The following ASAP1 variants were observed in gnomAD, a reference collection of about 807,000 sequenced individuals.
The protein encoded by ASAP1 is arf-GAP with SH3 domain, ANK repeat and PH domain-containing protein 1.
In ASAP1, 43 loss-of-function variants were observed where a neutral mutation model predicts 145.2. The ratio of observed to expected loss-of-function variants is 0.30; its 90% CI spans 0.23 to 0.38. The LOEUF is 0.38. Among genes scored for constraint, ASAP1 ranks in the 10% least tolerant of loss-of-function variants. ASAP1 has a pLI of 1.00. For synonymous variants in ASAP1, 546 were observed against 515.5 expected (o/e 1.06, Z -0.80); for missense variants, 1,018 against 1,355.3 (o/e 0.75, Z 3.91).
intron 3 of ASAP1, among the ~76,000 whole-genome samples, chr8:130,244,461 C>T (rs1818727467): frequency 6.6e-6 from 1 of 152,124 alleles, no homozygotes; most frequent in African/African-American, 2.4e-5. Flanking sequence ...TCCAAAGCAG[C>T]TCTATCTCCT....
intron 13 of ASAP1, among the ~76,000 whole-genome samples, chr8:130,144,172 C>T (rs1269351385): frequency 1.3e-5 from 2 of 152,202 alleles, no homozygotes; most frequent in South Asian, 2.1e-4. Context: ...TCAATAACTA[C>T]AACCGTGGTA....
In ASAP1 at chr8:130,382,306, A is replaced by G. The variant is rs948245951; in HGVS notation, c.59+19579T>C. Among the ~76,000 whole-genome samples the G allele has an allele frequency of 2.2e-3, 336 of 151,700 alleles. 1 individual carries two copies. Among genetic ancestry groups the G allele is most frequent in the African/African-American group, 7.6e-3 (314 of 41,390 alleles). On this transcript the variant is annotated intron_variant, in intron 2 of 29. Transcript: ENST00000518721. ...GTCTCAAAAAAAAAAAAAAAAAAAA[A>G]AAAGAAATTAAAGATATCACCTTGT... is the stretch of plus-strand genomic sequence containing the variant.
chr8:130,091,680 T>G (rs919203080), intron 25 of ASAP1, among the ~76,000 whole-genome samples: 1 of 152,250 alleles, frequency 6.6e-6, no homozygotes, highest in African/African-American at 2.4e-5. Flanking sequence ...TGAGCCTCTG[T>G]TTCCTTATAT....
At chr8:130,330,661 T>C (rs80310832) in intron 3 of ASAP1, among the ~76,000 whole-genome samples, 78 of 152,368 alleles carry the variant, frequency 5.1e-4, no homozygotes, top group African/African-American at 1.8e-3. Flanking sequence ...CAATTTGTCT[T>C]ACGGGTAAGC....
At chr8:130,199,851 A>G (rs1815753951) in intron 5 of ASAP1, among the ~76,000 whole-genome samples, 1 of 152,146 alleles carries the variant, frequency 6.6e-6, no homozygotes, top group African/African-American at 2.4e-5. Flanking sequence ...ACAAACAAAC[A>G]AACAGTTCTG....
intron 3 of ASAP1, among the ~76,000 whole-genome samples, chr8:130,301,621 A>T (rs964546584): frequency 2.6e-5 from 4 of 152,198 alleles, no homozygotes; most frequent in African/African-American, 9.7e-5. Context: ...CTACCCAAAA[A>T]ACCCCAATTG....
chr8:130,095,294 ATTTTTTTTTTTT>A (rs71302392), intron 24 of ASAP1, among the ~76,000 whole-genome samples: 8 of 95,702 alleles, frequency 8.4e-5, no homozygotes, highest in Admixed American at 8.4e-4. Context: ...TAGGCCAGTG[ATTTTTTTTTTTT>A]TTTTTTTTTT....
At chr8:130,407,577 G>A (rs1233421208) in intron 1 of ASAP1, among the ~76,000 whole-genome samples, 2 of 152,214 alleles carry the variant, frequency 1.3e-5, no homozygotes, top group African/African-American at 4.8e-5. Flanking sequence ...GCTGCCACCA[G>A]CGACAGAAAG....
At chr8:130,276,045 A>G (rs943692637) in intron 3 of ASAP1, among the ~76,000 whole-genome samples, 1 of 152,224 alleles carries the variant, frequency 6.6e-6, no homozygotes, top group East Asian at 1.9e-4. Context: ...AAGCCTCTTT[A>G]AGGGAAGAGT....
At chr8:130,317,444 C>T (rs1359998555) in intron 3 of ASAP1, among the ~76,000 whole-genome samples, 2 of 152,206 alleles carry the variant, frequency 1.3e-5, no homozygotes, top group African/African-American at 4.8e-5. Context: ...ACTCACTTAG[C>T]TGCTAATGAG....
At chr8:130,213,276 C>T (rs781627493) in intron 5 of ASAP1, among the ~76,000 whole-genome samples, 6 of 152,214 alleles carry the variant, frequency 3.9e-5, no homozygotes, top group South Asian at 2.1e-4. Context: ...TTTGCTTATT[C>T]GCTGTGTAAG....
intron 7 of ASAP1, among the ~76,000 whole-genome samples, chr8:130,186,870 CTTCTA>C (rs1231093499): frequency 1.3e-5 from 2 of 152,134 alleles, no homozygotes; most frequent in Admixed American, 6.5e-5. Context: ...TTAGCTGTTA[CTTCTA>C]TTATTTCCCA....
chr8:130,218,801 T>A (rs1368703966), intron 4 of ASAP1, among the ~76,000 whole-genome samples: 1 of 152,162 alleles, frequency 6.6e-6, no homozygotes, highest in Non-Finnish European at 1.5e-5. Flanking sequence ...TCATGGGTCC[T>A]GTATGTTTTG....
chr8:130,212,133 TG>T (rs1205907405), intron 5 of ASAP1, among the ~76,000 whole-genome samples: 1 of 152,250 alleles, frequency 6.6e-6, no homozygotes, highest in African/African-American at 2.4e-5. Context: ...AGAAAGTTGC[TG>T]GCTGTTGTCA....
chr8:130,357,570 G>A (rs1186714886), intron 3 of ASAP1, among the ~76,000 whole-genome samples: 1 of 152,224 alleles, frequency 6.6e-6, no homozygotes, highest in Non-Finnish European at 1.5e-5. Flanking sequence ...ACGCCTGCCT[G>A]GTCCAGTCGG....
chr8:130,374,728 C>T lies in ASAP1; in HGVS notation c.60-16585G>A, dbSNP rs193033384. On this transcript the variant is annotated intron_variant, in intron 2 of 29. Transcript: ENST00000518721. ...TGAGCAAGTGTGTCTGAATCCTGAC[C>T]TGTACCATGGTTGCAGCTTCCACAG... Among the ~76,000 whole-genome samples the T allele has an allele frequency of 4.2e-3, 634 of 152,336 alleles. 1 individual carries two copies. The highest frequency in any genetic ancestry group is 7.3e-3 in the Non-Finnish European group (496 of 68,026).
At chr8:130,391,824 G>C (rs982888841) in intron 2 of ASAP1, among the ~76,000 whole-genome samples, 33 of 152,202 alleles carry the variant, frequency 2.2e-4, no homozygotes, top group African/African-American at 7.7e-4. Context: ...CCAGGCCAGA[G>C]GGACCCCCTC....
chr8:130,159,954 C>T lies in ASAP1; in HGVS notation c.920G>A (p.Ser307Asn). The T allele has an allele frequency of 6.2e-7, 1 of 1,613,904 alleles. No homozygotes were observed. The highest frequency in any genetic ancestry group is 1.1e-5 in the South Asian group (1 of 91,080). Residue 307 changes from serine (S) to asparagine (N), a missense_variant, in exon 12 of 30, where the codon AGC becomes AAC. This residue lies in a region of ASAP1 where 62 missense variants were observed against 68.5 expected (regional missense o/e 0.90). Coordinates refer to ENST00000518721, the MANE Select transcript of ASAP1 (RefSeq NM_018482.4). ...ATGCATGCTGTATCCTCCTTGCCGG[C>T]TCTGAGAATCCTAGGAAAGAAAAAC... ...LQLDQKEDSQ[S>N]RQGGYSMHQL...
Position 130,120,074 on chromosome 8 carries a change from C to G in ASAP1, c.1608-1399G>C, listed in dbSNP as rs931004740. 7.2e-5 allele frequency among the ~76,000 whole-genome samples: 11 copies of G among 152,320 alleles called. 1 individual carries two copies. Among genetic ancestry groups the G allele is most frequent in the African/African-American group, 2.4e-4 (10 of 41,564 alleles). ...AGTTGAGCTGGTTGATGATGGCACACAGCCTCTGGTCTTTTCTCAACCCTG... is the reference window on the plus strand; with the variant it reads ...AGTTGAGCTGGTTGATGATGGCACAGAGCCTCTGGTCTTTTCTCAACCCTG... On this transcript the variant is annotated intron_variant, in intron 18 of 29. Transcript: ENST00000518721.
Sources: gnomAD v4.1 joint callset for allele counts (sites outside exome capture counted in the v4.1 genomes callset) on GRCh38, gnomAD v4.1.1 for gene constraint, gnomAD v4.1.1 regional missense constraint, MANE v1.5 for transcripts, NCBI Gene and HGNC (gene_info 2026-07-23, HGNC 2026-07-21) for gene names.